CDH4: variants seen among roughly 807,000 people sequenced by gnomAD.
CDH4 encodes the protein cadherin-4.
In CDH4, 33 loss-of-function variants were observed where a neutral mutation model predicts 86.0. The observed-to-expected ratio is 0.38, with a 90% CI of 0.29 to 0.51. The LOEUF is 0.51. Ranked by LOEUF, CDH4 falls within the 20% of genes least tolerant of loss-of-function variation. CDH4 has a pLI of 0.86. For synonymous variants in CDH4, 555 were observed against 549.4 expected, an observed-to-expected ratio of 1.01 and a Z score of -0.14; for missense variants, 1,114 against 1,307.4, an observed-to-expected ratio of 0.85 and a Z score of 2.28.
chr20:61,638,774 A>G (rs1326991227), intron 2 of CDH4, among the ~76,000 whole-genome samples: 5 of 152,180 alleles, frequency 3.3e-5, no homozygotes, highest in South Asian at 2.1e-4. Context: ...GAGGTGCTCT[A>G]TGGGAGATGG....
intron 6 of CDH4, among the ~76,000 whole-genome samples, chr20:61,854,018 AAG>A (rs1382143613): frequency 2.0e-5 from 3 of 152,180 alleles, no homozygotes; most frequent in African/African-American, 4.8e-5. Flanking sequence ...GACTTACACT[AAG>A]AGAGTAATCC....
intron 2 of CDH4, among the ~76,000 whole-genome samples, chr20:61,550,142 TACCTCCATG>T (rs2086117674): frequency 1.4e-5 from 2 of 143,224 alleles, no homozygotes; most frequent in Non-Finnish European, 3.1e-5. Flanking sequence ...CTCCCTAGCC[TACCTCCATG>T]GCCTCCCTGC....
intron 4 of CDH4, among the ~76,000 whole-genome samples, chr20:61,840,731 A>G (rs1982125389): frequency 6.6e-6 from 1 of 152,172 alleles, no homozygotes. Flanking sequence ...CAAGTGGAAA[A>G]CTGTTCTCCC....
At chr20:61,534,881 C>A (rs2085985029) in intron 2 of CDH4, among the ~76,000 whole-genome samples, 1 of 142,842 alleles carries the variant, frequency 7.0e-6, no homozygotes, top group South Asian at 2.3e-4. Context: ...CCTGCTCATC[C>A]TCAACCCGAT....
intron 2 of CDH4, chr20:61,434,673 A>C (rs147987441): frequency 6.6e-6 from 1 of 152,076 alleles, no homozygotes; most frequent in African/African-American, 2.4e-5. Context: ...GGCTCACGAG[A>C]TGCTTCACTT....
At chr20:61,415,635 T>C (rs567479671) in intron 2 of CDH4, among the ~76,000 whole-genome samples, 2 of 152,310 alleles carry the variant, frequency 1.3e-5, no homozygotes, top group African/African-American at 4.8e-5. Context: ...GTATTTGTCC[T>C]TTTGCATCTA....
chr20:61,530,136 G>T (rs1227698513), intron 2 of CDH4, among the ~76,000 whole-genome samples: 1 of 152,044 alleles, frequency 6.6e-6, no homozygotes, highest in Non-Finnish European at 1.5e-5. Context: ...AGGTTCAAGC[G>T]ATTCTCCTGC....
intron 6 of CDH4, among the ~76,000 whole-genome samples, chr20:61,870,942 C>A (rs190136708): frequency 6.6e-6 from 1 of 152,156 alleles, no homozygotes; most frequent in Non-Finnish European, 1.5e-5. Flanking sequence ...AAAACCCTCA[C>A]GAGGCAAAGT....
chr20:61,396,973 T>C (rs1460325696), intron 2 of CDH4, among the ~76,000 whole-genome samples: 6 of 152,070 alleles, frequency 3.9e-5, no homozygotes, highest in South Asian at 4.1e-4. Flanking sequence ...TGCAGTGACA[T>C]AATAACAGCT....
intron 2 of CDH4, among the ~76,000 whole-genome samples, chr20:61,407,434 G>A (rs147476076): frequency 3.3e-5 from 5 of 152,286 alleles, no homozygotes; most frequent in Admixed American, 2.0e-4. Flanking sequence ...GCTCTCCACC[G>A]ATTCCAAGCA....
chr20:61,422,101 C>A (rs542903376), intron 2 of CDH4, among the ~76,000 whole-genome samples: 1 of 152,068 alleles, frequency 6.6e-6, no homozygotes, highest in Non-Finnish European at 1.5e-5. Context: ...ACTTTTTGAA[C>A]GTATATCTAT....
intron 2 of CDH4, among the ~76,000 whole-genome samples, chr20:61,285,584 A>G (rs2084289252): frequency 6.6e-6 from 1 of 152,272 alleles, no homozygotes; most frequent in African/African-American, 2.4e-5. Flanking sequence ...TGGCACCATA[A>G]TGATGACTAT....
rs538062791 is a variant in CDH4 at position 61,570,587 on chromosome 20, G to T, written c.170-172976G>T. On this transcript the variant is annotated intron_variant, in intron 2 of 15. Transcript: ENST00000614565. ...CTTTTGTGGCTTCCTTTACCCCATTGCTCTGCCCTTTAAAGGGTCCTGGTG... is the reference window on the plus strand; with the variant it reads ...CTTTTGTGGCTTCCTTTACCCCATTTCTCTGCCCTTTAAAGGGTCCTGGTG... The T allele has an allele frequency of 7.5e-4, 522 of 693,452 alleles. 4 individuals carry two copies. The Middle Eastern group carries it at 0.012, about 16-fold the overall frequency. The allele number at this position is 693,452 out of a possible 1,614,324, so 43.0% of individuals were successfully genotyped here. A position where few individuals can be genotyped will look rare whatever the true frequency, so the allele number is the denominator to read the frequency against.
chr20:61,411,009 A>G (rs747733807), intron 2 of CDH4, among the ~76,000 whole-genome samples: 2 of 151,530 alleles, frequency 1.3e-5, no homozygotes, highest in African/African-American at 2.4e-5. Flanking sequence ...CCATTCATCC[A>G]TCTTTCCATT....
intron 2 of CDH4, among the ~76,000 whole-genome samples, chr20:61,652,311 T>A (rs6061301): frequency 6.6e-6 from 1 of 152,008 alleles, no homozygotes; most frequent in Non-Finnish European, 1.5e-5. Context: ...ATGTATGTGG[T>A]TTCGCTTATT....
At chr20:61,691,371 ATG>A (rs1032392384) in intron 2 of CDH4, among the ~76,000 whole-genome samples, 6 of 149,232 alleles carry the variant, frequency 4.0e-5, no homozygotes, top group Admixed American at 1.3e-4. Flanking sequence ...GCATGTGCAT[ATG>A]TGTGTGTATT....
chr20:61,499,555 G>A, intron 2 of CDH4: 1 of 1,269,930 alleles, frequency 7.9e-7, no homozygotes, highest in East Asian at 5.6e-5. Flanking sequence ...ATCTAACTGG[G>A]CCCTGATGCT....
At chr20:61,254,672 G>T (rs1034458328) in intron 1 of CDH4, among the ~76,000 whole-genome samples, 154 bp from the exon 2 acceptor site, 2 of 152,186 alleles carry the variant, frequency 1.3e-5, no homozygotes, top group African/African-American at 4.8e-5. Context: ...GAGAGCAGAG[G>T]AGCAGACGGG....
Position 61,898,521 on chromosome 20 carries a change from C to T in CDH4, c.1188+3474C>T, listed in dbSNP as rs114313454. 8.5e-3 allele frequency among the ~76,000 whole-genome samples: 1,300 copies of T among 152,266 alleles called. 16 individuals carry two copies. The highest frequency in any genetic ancestry group is 0.03 in the African/African-American group (1,244 of 41,560). ...CCGATGGGTCCTGCAGTGAAGTTCT[C>T]AGGGACAGGTCCAGACAGCACAGAG... is the stretch of plus-strand genomic sequence containing the variant. On this transcript the variant is annotated intron_variant, in intron 8 of 15. Transcript: ENST00000614565.
Sources: allele counts gnomAD v4.1 joint callset (sites outside exome capture counted in the v4.1 genomes callset), GRCh38; gene constraint gnomAD v4.1.1; transcripts MANE v1.5; gene names NCBI Gene and HGNC (gene_info 2026-07-23, HGNC 2026-07-21).